GALNT13: variants seen among roughly 807,000 people sequenced by gnomAD.
GALNT13 encodes polypeptide N-acetylgalactosaminyltransferase 13.
In GALNT13, 28 loss-of-function variants were observed where a neutral mutation model predicts 64.2. The ratio of observed to expected loss-of-function variants is 0.44; its 90% CI spans 0.32 to 0.60. The LOEUF is 0.60. GALNT13 is among the 20% of genes least tolerant of loss of function. The probability of loss-of-function intolerance (pLI) is 0.05; values close to 1 mark genes in which losing one functional copy is unlikely to be tolerated. For missense variants in GALNT13, 577 were observed against 669.8 expected, an observed-to-expected ratio of 0.86 and a Z score of 1.53; for synonymous variants, 214 against 224.6, an observed-to-expected ratio of 0.95 and a Z score of 0.42.
intron 2 of GALNT13, among the ~76,000 whole-genome samples, chr2:153,917,940 G>T (rs1377667889): frequency 1.3e-5 from 2 of 151,508 alleles, no homozygotes; most frequent in South Asian, 4.2e-4. Context: ...CTAGTAAAAT[G>T]CAGCTAGCTT....
the GALNT13 span, among the ~76,000 whole-genome samples, chr2:153,841,700 C>T: frequency 6.6e-6 from 1 of 151,998 alleles, no homozygotes; most frequent in African/African-American, 2.4e-5. Flanking sequence ...ACAAAATGTG[C>T]CTATGTTTTG....
chr2:153,497,100 G>A, the GALNT13 span, among the ~76,000 whole-genome samples: 1 of 151,794 alleles, frequency 6.6e-6, no homozygotes. Flanking sequence ...TTCAAATAGC[G>A]GACACTCTGA....
At chr2:154,111,654 G>C (rs890665274) in intron 3 of GALNT13, among the ~76,000 whole-genome samples, 1 of 152,204 alleles carries the variant, frequency 6.6e-6, no homozygotes, top group Non-Finnish European at 1.5e-5. Flanking sequence ...GTGATGGTCA[G>C]TGGTCCCACT....
intron 9 of GALNT13, among the ~76,000 whole-genome samples, chr2:154,374,947 G>T (rs1697898293): frequency 6.6e-6 from 1 of 152,036 alleles, no homozygotes; most frequent in Admixed American, 6.6e-5. Flanking sequence ...TCATTTCCTG[G>T]ACAGGGAAAT....
chr2:154,064,476 T>A (rs926895206), intron 3 of GALNT13, among the ~76,000 whole-genome samples: 1 of 152,144 alleles, frequency 6.6e-6, no homozygotes, highest in Non-Finnish European at 1.5e-5. Flanking sequence ...GGCTTATTTC[T>A]TCTGCTTAAG....
chr2:153,455,607 G>T, the GALNT13 span, among the ~76,000 whole-genome samples: 1 of 152,204 alleles, frequency 6.6e-6, no homozygotes, highest in Non-Finnish European at 1.5e-5. Context: ...TGAACTCCGT[G>T]CAGGTCCGCA....
intron 8 of GALNT13, among the ~76,000 whole-genome samples, chr2:154,299,189 A>G (rs1230369575): frequency 1.3e-5 from 2 of 151,392 alleles, no homozygotes; most frequent in Non-Finnish European, 2.9e-5. Flanking sequence ...TTTAGAAGGT[A>G]TTATGCAAAG....
chr2:153,460,540 T>G, the GALNT13 span, among the ~76,000 whole-genome samples: 1 of 152,152 alleles, frequency 6.6e-6, no homozygotes, highest in Non-Finnish European at 1.5e-5. Flanking sequence ...AGAATTTCTC[T>G]AAACCTAAAA....
the GALNT13 span, among the ~76,000 whole-genome samples, chr2:153,127,614 T>G: frequency 6.6e-6 from 1 of 152,212 alleles, no homozygotes; most frequent in South Asian, 2.1e-4. Flanking sequence ...ATCTTTTTAC[T>G]TTCAATTTTT....
the GALNT13 span, among the ~76,000 whole-genome samples, chr2:153,537,425 T>G: frequency 2.0e-5 from 3 of 152,134 alleles, no homozygotes; most frequent in Non-Finnish European, 4.4e-5. Flanking sequence ...AAGTATAGAT[T>G]CTTTGTGAGG....
chr2:153,330,925 G>C, the GALNT13 span, among the ~76,000 whole-genome samples: 1 of 151,988 alleles, frequency 6.6e-6, no homozygotes, highest in African/African-American at 2.4e-5. Context: ...GTCATAGATG[G>C]CTCTTATTAT....
At chr2:153,301,877 TTGTG>T in the GALNT13 span, among the ~76,000 whole-genome samples, 8,750 of 146,110 alleles carry the variant, frequency 0.06, 320 homozygotes, top group Non-Finnish European at 0.078. Flanking sequence ...GTATTCCACT[TTGTG>T]TGTGTGTGTG....
chr2:153,373,300 A>C, the GALNT13 span, among the ~76,000 whole-genome samples: 4 of 152,298 alleles, frequency 2.6e-5, no homozygotes, highest in African/African-American at 9.6e-5. Context: ...AAGAAAAACA[A>C]AGAGTATTTA....
chr2:153,660,947 G>A, the GALNT13 span, among the ~76,000 whole-genome samples: 1 of 152,238 alleles, frequency 6.6e-6, no homozygotes, highest in South Asian at 2.1e-4. Flanking sequence ...GCAGCAACAT[G>A]CTAGTGTACA....
At chr2:153,353,812 T>C in the GALNT13 span, among the ~76,000 whole-genome samples, 1 of 152,204 alleles carries the variant, frequency 6.6e-6, no homozygotes, top group African/African-American at 2.4e-5. Flanking sequence ...TTAGTTGTGG[T>C]ATGTAATTCT....
intron 10 of GALNT13, among the ~76,000 whole-genome samples, chr2:154,403,072 C>T (rs773899809): frequency 8.5e-5 from 13 of 152,120 alleles, no homozygotes; most frequent in Non-Finnish European, 1.2e-4. Context: ...CTCGCTCACT[C>T]GGGAACAATT....
intron 3 of GALNT13, among the ~76,000 whole-genome samples, chr2:154,010,018 A>T (rs1696523750): frequency 6.6e-6 from 1 of 152,166 alleles, no homozygotes. Context: ...TTGTGTCCTG[A>T]AATTTTGCTA....
the GALNT13 span, among the ~76,000 whole-genome samples, chr2:153,561,890 T>C: frequency 2.6e-5 from 4 of 152,190 alleles, no homozygotes; most frequent in African/African-American, 9.7e-5. Context: ...ATGTGTATTT[T>C]AGCAACAAAT....
the GALNT13 span, among the ~76,000 whole-genome samples, chr2:153,740,276 CTT>C: frequency 6.6e-6 from 1 of 151,970 alleles, no homozygotes; most frequent in Admixed American, 6.6e-5. Context: ...ACTGTTCACT[CTT>C]TATAAATTTT....
Sources: allele counts gnomAD v4.1 joint callset (sites outside exome capture counted in the v4.1 genomes callset), GRCh38; gene constraint gnomAD v4.1.1; transcripts MANE v1.5; gene names NCBI Gene and HGNC (gene_info 2026-07-23, HGNC 2026-07-21).